Variants in TNXB observed in about 807,000 individuals in gnomAD.
TNXB encodes the protein tenascin-X.
Under a neutral mutation model 340.5 loss-of-function variants are expected in TNXB, and 183 were observed. The ratio of observed to expected loss-of-function variants is 0.54; its 90% CI spans 0.48 to 0.61. The LOEUF (loss-of-function observed/expected upper bound fraction) is 0.61. Ranked by LOEUF, TNXB falls within the 20% of genes least tolerant of loss-of-function variation. TNXB has a pLI of 0.00. For synonymous variants in TNXB, 2,121 were observed against 2,314.5 expected (o/e 0.92, Z 2.40); for missense variants, 4,613 against 5,446.4 (o/e 0.85, Z 4.82).
At chr6:32,043,693 C>T (rs138286764) in intron 35 of TNXB, 56 bp downstream of exon 35, 8 of 1,612,770 alleles carry the variant, frequency 5.0e-6, no homozygotes, top group African/African-American at 2.7e-5. Context: ...TCTCAACTCC[C>T]ACCCATGCCG....
intron 1 of TNXB, among the ~76,000 whole-genome samples, chr6:32,098,423 C>T (rs1259123760): frequency 6.6e-6 from 1 of 152,074 alleles, no homozygotes; most frequent in Non-Finnish European, 1.5e-5. Flanking sequence ...CTGCTCCTCA[C>T]CCCCTTTTCT....
chr6:32,057,580 C>T (rs1223734966), intron 22 of TNXB, among the ~76,000 whole-genome samples: 1 of 152,164 alleles, frequency 6.6e-6, no homozygotes, highest in African/African-American at 2.4e-5. Flanking sequence ...CCCTGGGAGA[C>T]CCCAGGCCTG....
At position 32,051,818 on chromosome 6, in the gene TNXB, T is replaced by C. The variant is rs922102457; in HGVS notation, c.9115+852A>G. Among the ~76,000 whole-genome samples, 31 of 152,242 alleles carry C rather than the reference T, an allele frequency of 2.0e-4. 1 individual carries two copies. The highest frequency in any genetic ancestry group is 1.9e-4 in the East Asian group (1 of 5,178). ...CTTAAAGACATTGTATTTAATGAAA[T>C]GAACCATTCAAAAAAGACAAATATT... On this transcript the variant is annotated intron_variant, in intron 26 of 43. Transcript: ENST00000644971. The surrounding 1 kb of genome is among the most constrained non-coding windows in gnomAD (Gnocchi z 4.7).
In TNXB at chr6:32,072,107, C is replaced by T. The variant is rs1778809080; in HGVS notation, c.4873G>A (p.Ala1625Thr). The T allele has an allele frequency of 3.7e-6, 6 of 1,612,982 alleles. No homozygotes were observed. Among genetic ancestry groups the T allele is most frequent in the Non-Finnish European group, 5.1e-6 (6 of 1,179,534 alleles). Residue 1625 changes from alanine (A) to threonine (T), a missense_variant, in exon 13 of 44, where the codon GCA (alanine) becomes ACA (threonine). Ala to Thr is a moderately conservative substitution (Grantham distance 58). Coordinates refer to ENST00000644971, the MANE Select transcript of TNXB (RefSeq NM_001365276.2). This position sits in a 1 kb window ranked among gnomAD's most constrained non-coding sequence, Gnocchi z 4.4. ...DGQPQVVPVAADQREVTIPDL... is the reference protein window; with the variant it reads ...DGQPQVVPVATDQREVTIPDL... Reference sequence around the variant, plus strand: ...GGGATAGTGACCTCCCGCTGATCTGCAGCCACGGGCACCACCTGGGGCTGC... The same window carrying T: ...GGGATAGTGACCTCCCGCTGATCTGTAGCCACGGGCACCACCTGGGGCTGC...
In TNXB at chr6:32,081,851, G is replaced by T. The variant is rs964272804; in HGVS notation, c.3737-178C>A. 1.3e-5 allele frequency among the ~76,000 whole-genome samples: 2 copies of T among 152,156 alleles called. No individual in the cohort carries two copies. The highest frequency in any genetic ancestry group is 2.9e-5 in the Non-Finnish European group (2 of 68,028). On this transcript the variant is annotated intron_variant, in intron 9 of 43. Coordinates refer to ENST00000644971, the MANE Select transcript of TNXB (RefSeq NM_001365276.2). The surrounding 1 kb of genome is among the most constrained non-coding windows in gnomAD (Gnocchi z 5.1). ...TGACACACCTTCTGGGCCACGGGGA[G>T]CTGCTGCTTGGGATGGAAGGGGCCC...
In TNXB at chr6:32,041,154, G is replaced by T; in HGVS notation, c.*195C>A. ...CAGTGATGGGGCAGGACCGATGCCA[G>T]CCGGGTACCTCAGTTTCTCCTTTAT... On this transcript the variant is annotated 3_prime_UTR_variant, in exon 44 of 44. Coordinates refer to ENST00000644971, the MANE Select transcript of TNXB (RefSeq NM_001365276.2). 1 of 1,582,094 alleles carries T rather than the reference G, an allele frequency of 6.3e-7. No homozygotes were observed. Among genetic ancestry groups the T allele is most frequent in the Non-Finnish European group, 8.6e-7 (1 of 1,159,280 alleles).
chr6:32,048,105 G>A (rs1777017314), intron 29 of TNXB, 93 bp from the exon 30 acceptor site: 1 of 1,441,748 alleles, frequency 6.9e-7, no homozygotes, highest in Non-Finnish European at 9.4e-7. Flanking sequence ...GCCGGTCCCA[G>A]GAACGGGAGG....
chr6:32,057,948 TTCCTTTCAC>T (rs1353625175), intron 22 of TNXB, 101 bp downstream of exon 22: 63 of 1,282,258 alleles, frequency 4.9e-5, no homozygotes, highest in Non-Finnish European at 5.8e-5. Flanking sequence ...TGTTGCTATA[TTCCTTTCAC>T]TGTGAGCCCC....
rs1299790338 is a variant in TNXB, at chr6:32,085,176, C to A, written c.3149-467G>T. ...GATGTGAAAGCCAGGTACCCCAGGA[C>A]CTGTCTTTCACTGGTCCTGCAAACC... On this transcript the variant is annotated intron_variant, in intron 7 of 43. Transcript: ENST00000644971. The surrounding 1 kb of genome is among the most constrained non-coding windows in gnomAD (Gnocchi z 6.4). Among the ~76,000 whole-genome samples, 2 of 152,146 alleles carry A rather than the reference C, an allele frequency of 1.3e-5. No individual in the cohort carries two copies. Among genetic ancestry groups the A allele is most frequent in the Non-Finnish European group, 2.9e-5 (2 of 68,030 alleles).
rs1421660297 is a variant in TNXB, at chr6:32,079,225, G to A, written c.4183C>T (p.Pro1395Ser). ...GTGAAAGAGTCGAAGCTGCCCTGGG[G>A]GACGGTCCAGAAGAGGCTCAGCGAA... ...PDSLSLFWTV[P>S]QGSFDSFTVQ... Residue 1395 changes from proline (P) to serine (S), a missense_variant, in exon 11 of 44, where the codon CCC becomes TCC. Coordinates refer to ENST00000644971, the MANE Select transcript of TNXB (RefSeq NM_001365276.2). The surrounding 1 kb of genome is among the most constrained non-coding windows in gnomAD (Gnocchi z 7.1). The A allele has an allele frequency of 6.2e-7, 1 of 1,613,772 alleles. No homozygotes were observed. Among genetic ancestry groups the A allele is most frequent in the Non-Finnish European group, 8.5e-7 (1 of 1,179,870 alleles).
chr6:32,071,578 CTT>C (rs10694435), intron 13 of TNXB, among the ~76,000 whole-genome samples: 15 of 139,920 alleles, frequency 1.1e-4, no homozygotes, highest in Admixed American at 1.4e-4. Context: ...GCTTTTCTTT[CTT>C]TTTTTTTTTT....
rs550762485 is a variant in TNXB, at chr6:32,061,640, G to A, written c.7249C>T (p.Leu2417=). The A allele has an allele frequency of 6.2e-7, 1 of 1,612,744 alleles. No homozygotes were observed. The highest frequency in any genetic ancestry group is 2.2e-5 in the East Asian group (1 of 44,876). The change falls in exon 21 of 44, where the codon CTA becomes TTA. Residue 2417 remains leucine (L), a synonymous_variant. Coordinates refer to ENST00000644971, the MANE Select transcript of TNXB (RefSeq NM_001365276.2). This position sits in a 1 kb window ranked among gnomAD's most constrained non-coding sequence, Gnocchi z 4.4. The part of the protein sequence containing the change: ...EPPEEPLLGE[L]TVTGSSPDSL... The stretch of plus-strand genomic sequence containing the variant: ...TCAGGGGAGGATCCTGTCACTGTTA[G>A]CTCCCCCAGGAGCGGCTCCTCAGGG...
rs1295699007 is a variant in TNXB at position 32,073,377 on chromosome 6, G to A, written c.4681+270C>T. 6.6e-6 allele frequency among the ~76,000 whole-genome samples: 1 copy of A among 152,180 alleles called. No homozygotes were observed. Among genetic ancestry groups the A allele is most frequent in the African/African-American group, 2.4e-5 (1 of 41,428 alleles). On this transcript the variant is annotated intron_variant, in intron 12 of 43. Coordinates refer to ENST00000644971, the MANE Select transcript of TNXB (RefSeq NM_001365276.2). This position sits in a 1 kb window ranked among gnomAD's most constrained non-coding sequence, Gnocchi z 4.6. ...AGAGGGGGAGAGAAAGTCTGTGGCTGGATTTAGGCCAAATGGAAATAAGAC... is the reference window on the plus strand; with the variant it reads ...AGAGGGGGAGAGAAAGTCTGTGGCTAGATTTAGGCCAAATGGAAATAAGAC...
rs775950850 is a variant in TNXB, at chr6:32,056,727, G to T, written c.8002C>A (p.Gln2668Lys). The part of the protein sequence containing the change: ...FLVQYRNGDG[Q>K]PKAVRVPGHE... ...CCCGGCACCCGCACCGCCTTGGGCT[G>T]CCCATCCCCATTCCTGTACTGGACC... The change falls in exon 23 of 44, where the codon CAG (glutamine) becomes AAG (lysine). Residue 2668 changes from glutamine to lysine, a missense_variant. By Grantham distance (53) the Gln-to-Lys change is moderately conservative. Around this residue, in one of 7 missense-constraint regions of TNXB, gnomAD observed 4,327 missense variants for 4,859.4 expected, o/e 0.89. Coordinates refer to ENST00000644971, the MANE Select transcript of TNXB (RefSeq NM_001365276.2). 5 of 1,613,172 alleles carry T rather than the reference G, an allele frequency of 3.1e-6. No individual in the cohort carries two copies. The East Asian group carries it at 1.1e-4, about 36-fold the overall frequency.
intron 18 of TNXB, among the ~76,000 whole-genome samples, chr6:32,065,440 T>A (rs139435345): frequency 3.3e-5 from 5 of 152,112 alleles, no homozygotes; most frequent in Non-Finnish European, 5.9e-5. Context: ...ATTACTCTAT[T>A]TAAAATTTCA....
At chr6:32,099,297 GA>G (rs1780591923) in intron 1 of TNXB, among the ~76,000 whole-genome samples, 2 of 150,164 alleles carry the variant, frequency 1.3e-5, no homozygotes, top group East Asian at 3.9e-4. Context: ...GCAGTGGTGC[GA>G]TCTCGGCTCA....
intron 26 of TNXB, among the ~76,000 whole-genome samples, chr6:32,050,593 G>A (rs1324564085): frequency 6.7e-6 from 1 of 148,852 alleles, no homozygotes; most frequent in African/African-American, 2.5e-5. Context: ...AGCTCCACTT[G>A]GCCTCTGCAC....
chr6:32,098,142 G>A lies in TNXB; in HGVS notation c.57C>T (p.Ser19=). Residue 19 remains serine (S), a synonymous_variant, in exon 2 of 44, where the codon AGC becomes AGT. Transcript: ENST00000644971. ...TSSLVLLVLL[S]TARAGPFSSR... is the part of the protein sequence containing the mutation. ...AAGAGAAGGGGCCTGCTCTGGCTGT[G>A]CTCAGCAGCACCAGGAGAACCAGGC... The A allele has an allele frequency of 6.3e-7, 1 of 1,580,776 alleles. No homozygotes were observed. Among genetic ancestry groups the A allele is most frequent in the East Asian group, 2.3e-5 (1 of 44,306 alleles).
rs1779862992 is a variant in TNXB at position 32,087,612 on chromosome 6, G to A, written c.2779+1173C>T. On this transcript the variant is annotated intron_variant, in intron 6 of 43. Transcript: ENST00000644971. The surrounding 1 kb of genome is among the most constrained non-coding windows in gnomAD (Gnocchi z 9.0). ...TGGTGCCGGGATCAGGGCTGGCGGT[G>A]GGGCGGGGGTGGCGGGGCGGGGGTG... 5.1e-6 allele frequency: 2 copies of A among 394,706 alleles called. No individual in the cohort carries two copies. Among genetic ancestry groups the A allele is most frequent in the South Asian group, 3.7e-5 (2 of 54,524 alleles). 24.5% of individuals were successfully genotyped at this position (394,706 alleles called of 1,614,324 possible).
Sources: allele counts gnomAD v4.1 joint callset (sites outside exome capture counted in the v4.1 genomes callset), GRCh38; gene constraint gnomAD v4.1.1; regional missense constraint gnomAD v4.1.1; non-coding constraint Gnocchi (gnomAD v3.1); transcripts MANE v1.5; gene names NCBI Gene and HGNC (gene_info 2026-07-23, HGNC 2026-07-21).